PATJ: variants seen among roughly 807,000 people sequenced by gnomAD.
PATJ encodes the protein inaD-like protein.
PATJ carries 190 observed loss-of-function variants against 224.9 expected under a neutral mutation model. The observed-to-expected ratio is 0.84, with a 90% CI of 0.75 to 0.95. The LOEUF (loss-of-function observed/expected upper bound fraction) is 0.95. PATJ is among the 40% of genes least tolerant of loss of function. The pLI is 0.00. For synonymous variants in PATJ, 769 were observed against 820.3 expected (o/e 0.94, Z 1.07); for missense variants, 2,121 against 2,270.3 (o/e 0.93, Z 1.34).
chr1:62,105,429 T>C (rs1662782375), intron 33 of PATJ, among the ~76,000 whole-genome samples: 1 of 152,166 alleles, frequency 6.6e-6, no homozygotes, highest in African/African-American at 2.4e-5. Context: ...AAAACCAGTA[T>C]CATTACAGGG....
At chr1:61,839,218 G>C (rs1014784830) in intron 17 of PATJ, among the ~76,000 whole-genome samples, 1 of 151,472 alleles carries the variant, frequency 6.6e-6, no homozygotes, top group Non-Finnish European at 1.5e-5. Context: ...TTTTATTATA[G>C]GGCATCCATA....
At chr1:61,916,308 A>G (rs774557947) in intron 26 of PATJ, among the ~76,000 whole-genome samples, 6 of 152,052 alleles carry the variant, frequency 3.9e-5, no homozygotes, top group African/African-American at 7.2e-5. Context: ...CCATATATAT[A>G]TGTGTGTATA....
intron 28 of PATJ, among the ~76,000 whole-genome samples, chr1:62,015,209 C>A (rs1000452192): frequency 1.3e-5 from 2 of 151,474 alleles, no homozygotes; most frequent in Non-Finnish European, 2.9e-5. Context: ...GAGGCTGAGG[C>A]GGGAGAATTG....
chr1:62,015,929 A>C (rs542109887), intron 28 of PATJ, among the ~76,000 whole-genome samples: 2 of 152,218 alleles, frequency 1.3e-5, no homozygotes, highest in South Asian at 2.1e-4. Flanking sequence ...TCAGCCTCCC[A>C]AAGTGCTGAC....
At chr1:61,760,144 A>G (rs374201079) in intron 1 of PATJ, among the ~76,000 whole-genome samples, 2 of 152,268 alleles carry the variant, frequency 1.3e-5, no homozygotes, top group East Asian at 3.9e-4. Flanking sequence ...GTCACTGGGT[A>G]GTTGTAAGAG....
chr1:62,051,191 T>C, intron 31 of PATJ, 133 bp downstream of exon 31: 1 of 676,596 alleles, frequency 1.5e-6, no homozygotes, highest in South Asian at 1.8e-5. Flanking sequence ...CAAGAAGCTA[T>C]TATATGTAGT....
chr1:61,977,338 C>T (rs1644193554), intron 27 of PATJ, among the ~76,000 whole-genome samples: 1 of 152,072 alleles, frequency 6.6e-6, no homozygotes, highest in Non-Finnish European at 1.5e-5. Flanking sequence ...AATTGGCCCA[C>T]CTCAGCCTCC....
At chr1:61,894,318 T>C (rs1423639365) in intron 22 of PATJ, among the ~76,000 whole-genome samples, 2 of 151,854 alleles carry the variant, frequency 1.3e-5, no homozygotes, top group African/African-American at 4.8e-5. Context: ...CATGAAGATA[T>C]TCCTTGCAGT....
chr1:61,803,271 G>C (rs562045257), intron 12 of PATJ, among the ~76,000 whole-genome samples: 7 of 151,608 alleles, frequency 4.6e-5, no homozygotes, highest in African/African-American at 1.7e-4. Context: ...GGCATAACTG[G>C]GCATGCTTAA....
chr1:61,755,869 T>C (rs761592555), intron 1 of PATJ, among the ~76,000 whole-genome samples: 14 of 152,338 alleles, frequency 9.2e-5, no homozygotes, highest in South Asian at 8.3e-4. Flanking sequence ...TGGCATGATC[T>C]CGGCTCACCG....
intron 16 of PATJ, among the ~76,000 whole-genome samples, chr1:61,830,754 A>G (rs1005208504): frequency 7.2e-5 from 11 of 152,212 alleles, no homozygotes; most frequent in Non-Finnish European, 1.5e-4. Context: ...GTTGTTTAAC[A>G]AAGTCAACAA....
At chr1:61,797,500 C>T in intron 11 of PATJ, 72 bp downstream of exon 11, 1 of 1,287,524 alleles carries the variant, frequency 7.8e-7, no homozygotes. Flanking sequence ...ATGGAAGTTG[C>T]TCCATGAGTC....
At chr1:62,038,682 C>T (rs939200149) in intron 30 of PATJ, among the ~76,000 whole-genome samples, 11 of 152,092 alleles carry the variant, frequency 7.2e-5, no homozygotes, top group African/African-American at 2.7e-4. Context: ...TTAACGTTCA[C>T]TATTCAGTAT....
Position 61,787,893 on chromosome 1 carries a change from G to T in PATJ, c.989G>T (p.Gly330Val). The change falls in exon 8 of 44, where the codon GGT becomes GTT. Residue 330 changes from glycine to valine, a missense_variant. By Grantham distance (109) the Gly-to-Val change is moderately radical. Transcript: ENST00000642238. ...ATGCTCGTTGCTAGAGATCCAGCTG[G>T]TGACATTTCAGTCACCCCCCCTGCC... Reference protein sequence around the residue: ...VRMLVARDPAGDISVTPPAPA... With the variant: ...VRMLVARDPAVDISVTPPAPA... 2.5e-6 allele frequency: 4 copies of T among 1,614,136 alleles called. No individual in the cohort carries two copies. Among genetic ancestry groups the T allele is most frequent in the Non-Finnish European group, 3.4e-6 (4 of 1,180,028 alleles).
intron 39 of PATJ, among the ~76,000 whole-genome samples, chr1:62,126,897 A>G (rs914135933): frequency 6.6e-6 from 1 of 152,118 alleles, no homozygotes; most frequent in African/African-American, 2.4e-5. Context: ...CCTTTTCTGT[A>G]GGCCATGACA....
chr1:62,047,813 C>A (rs1652832223), intron 30 of PATJ, among the ~76,000 whole-genome samples: 1 of 152,092 alleles, frequency 6.6e-6, no homozygotes, highest in Non-Finnish European at 1.5e-5. Flanking sequence ...CATGGTAACT[C>A]CTTGATTATC....
At chr1:61,977,902 TA>T (rs1201825403) in intron 27 of PATJ, among the ~76,000 whole-genome samples, 2 of 150,848 alleles carry the variant, frequency 1.3e-5, no homozygotes, top group African/African-American at 2.5e-5. Flanking sequence ...AAAAAAAACT[TA>T]AAAAAATTTT....
At chr1:61,953,221 A>G (rs747904983) in intron 27 of PATJ, among the ~76,000 whole-genome samples, 3 of 152,236 alleles carry the variant, frequency 2.0e-5, no homozygotes, top group Non-Finnish European at 4.4e-5. Context: ...AAAATGGAAT[A>G]TTGAGACATA....
chr1:61,975,543 C>T (rs1644081644), intron 27 of PATJ, among the ~76,000 whole-genome samples: 1 of 151,874 alleles, frequency 6.6e-6, no homozygotes. Context: ...CCAGTTGATG[C>T]CCTTAATCCG....
Sources: gnomAD v4.1 joint callset for allele counts (sites outside exome capture counted in the v4.1 genomes callset) on GRCh38, gnomAD v4.1.1 for gene constraint, MANE v1.5 for transcripts, NCBI Gene and HGNC (gene_info 2026-07-23, HGNC 2026-07-21) for gene names.